Variants in DACH2 observed in about 807,000 individuals in gnomAD.
The protein encoded by DACH2 is dachshund family transcription factor 2.
Under a neutral mutation model 35.8 loss-of-function variants are expected in DACH2, and 17 were observed. The ratio of observed to expected loss-of-function variants is 0.48; its 90% CI spans 0.33 to 0.71. The LOEUF is 0.71. DACH2 is among the 30% of genes least tolerant of loss of function. The pLI is 0.02. For synonymous variants in DACH2, 195 were observed against 177.3 expected (o/e 1.10, Z -0.79); for missense variants, 469 against 472.7 (o/e 0.99, Z 0.07).
At chrX:86,319,835 T>C (rs955624544) in intron 1 of DACH2, among the ~76,000 whole-genome samples, 13 of 112,047 alleles carry the variant, frequency 1.2e-4, no homozygotes, top group Non-Finnish European at 2.3e-4. Flanking sequence ...AAATAGACAC[T>C]ACACACATAA....
intron 1 of DACH2, among the ~76,000 whole-genome samples, chrX:86,328,972 TG>T (rs1375268438): frequency 9.0e-6 from 1 of 111,449 alleles, no homozygotes; most frequent in Admixed American, 9.6e-5. Context: ...AAGATCAGAG[TG>T]TTGTTGAAAA....
At chrX:86,499,823 T>C (rs1212433521) in intron 2 of DACH2, among the ~76,000 whole-genome samples, 1 of 112,117 alleles carries the variant, frequency 8.9e-6, no homozygotes, top group Non-Finnish European at 1.9e-5. Flanking sequence ...CACAATGCTT[T>C]CCTTTCAGGC....
At chrX:86,800,657 G>T (rs1237805571) in intron 7 of DACH2, among the ~76,000 whole-genome samples, 2 of 110,856 alleles carry the variant, frequency 1.8e-5, no homozygotes, top group African/African-American at 6.6e-5. Flanking sequence ...AGCTTTTTTT[G>T]TTTGTTTGTT....
chrX:86,538,172 T>C (rs1478680568), intron 3 of DACH2, among the ~76,000 whole-genome samples: 1 of 111,259 alleles, frequency 9.0e-6, no homozygotes, highest in East Asian at 2.8e-4. Context: ...TTTTCTAATA[T>C]ATTGTTCCTC....
At chrX:86,648,091 G>A (rs958902369) in intron 3 of DACH2, among the ~76,000 whole-genome samples, 3 of 110,673 alleles carry the variant, frequency 2.7e-5, no homozygotes, top group Non-Finnish European at 5.7e-5. Context: ...CAGTAACATT[G>A]AATCTCTGCC....
At chrX:86,657,944 T>C (rs941445428) in intron 4 of DACH2, among the ~76,000 whole-genome samples, 1 of 111,845 alleles carries the variant, frequency 8.9e-6, no homozygotes, top group Admixed American at 9.5e-5. Context: ...CTTTTTATTC[T>C]AGCCCCCCAT....
At chrX:86,721,073 G>T (rs2041401023) in intron 6 of DACH2, among the ~76,000 whole-genome samples, 1 of 112,277 alleles carries the variant, frequency 8.9e-6, no homozygotes. Context: ...CACACAGCAG[G>T]GGGGCCCTGA....
At chrX:86,625,359 T>A (rs1485918958) in intron 3 of DACH2, among the ~76,000 whole-genome samples, 1 of 110,007 alleles carries the variant, frequency 9.1e-6, no homozygotes, top group Non-Finnish European at 1.9e-5. Flanking sequence ...ATATATCAGA[T>A]AATGACACTT....
chrX:86,674,160 A>G (rs903461942), intron 4 of DACH2, among the ~76,000 whole-genome samples: 2 of 111,970 alleles, frequency 1.8e-5, no homozygotes, highest in African/African-American at 6.5e-5. Context: ...GATTTTCTCT[A>G]TTCTCTTTGG....
chrX:86,814,818 C>T lies in DACH2; in HGVS notation c.1668C>T (p.Gly556=), dbSNP rs769105008. 4 of 1,204,107 alleles carry T rather than the reference C, an allele frequency of 3.3e-6. No individual in the cohort carries two copies. In the African/African-American group the frequency reaches 7.0e-5, roughly 21 times the overall value. The change falls in exon 10 of 12, where the codon GGC becomes GGT. Residue 556 remains glycine, a synonymous_variant. Coordinates refer to ENST00000373125, the MANE Select transcript of DACH2 (RefSeq NM_053281.3). The part of the protein sequence containing the change: ...ALKQATTSDS[G]LRMLKDTGIP... The stretch of plus-strand genomic sequence containing the variant: ...AGCAAGCCACCACTAGTGACAGTGG[C>T]CTGAGGATGTTAAAAGGTAATGTCT...
rs185260673 is a variant in DACH2, at chrX:86,284,186, A to C, written c.489-92638A>C. 4.5e-5 allele frequency among the ~76,000 whole-genome samples: 5 copies of C among 111,790 alleles called. No homozygotes were observed. In the Admixed American group the frequency reaches 4.8e-4, roughly 11 times the overall value. On this transcript the variant is annotated intron_variant, in intron 1 of 11. Transcript: ENST00000373125. ...ATTCTTGTCATGTTCCAGATCTTAA[A>C]GGAAAGGCTTTCAGTTTTTCCCCAG...
chrX:86,325,530 C>T (rs1001470959), intron 1 of DACH2, among the ~76,000 whole-genome samples: 3 of 112,008 alleles, frequency 2.7e-5, no homozygotes, highest in Non-Finnish European at 5.6e-5. Context: ...AATTTTGAAT[C>T]TATTTTAATG....
chrX:86,263,293 T>C (rs1439238625), intron 1 of DACH2, among the ~76,000 whole-genome samples: 1 of 111,830 alleles, frequency 8.9e-6, no homozygotes, highest in Non-Finnish European at 1.9e-5. Flanking sequence ...ATTTAACTTA[T>C]GTAACATAGC....
rs968559808 is a variant in DACH2 at position 86,400,648 on chromosome X, A to G, written c.527+23786A>G. Among the ~76,000 whole-genome samples, 3 of 111,999 alleles carry G rather than the reference A, an allele frequency of 2.7e-5. No individual in the cohort carries two copies. The Admixed American group carries it at 2.8e-4, about 11-fold the overall frequency. On this transcript the variant is annotated intron_variant, in intron 2 of 11. Coordinates refer to ENST00000373125, the MANE Select transcript of DACH2 (RefSeq NM_053281.3). ...TTGGAGTTTGCTGGAGGTCCACTCC[A>G]GACCCTGTTTGCCTGGGTATCAGCA...
chrX:86,382,518 G>C (rs2036062861), intron 2 of DACH2, among the ~76,000 whole-genome samples: 4 of 103,271 alleles, frequency 3.9e-5, no homozygotes, highest in African/African-American at 1.5e-4. Context: ...CCTCTTGCCA[G>C]CACAGAATAT....
At chrX:86,326,053 A>G (rs1358277819) in intron 1 of DACH2, among the ~76,000 whole-genome samples, 2 of 111,595 alleles carry the variant, frequency 1.8e-5, no homozygotes, top group African/African-American at 6.5e-5. Flanking sequence ...ACTACTTTTG[A>G]AAAATTTGAA....
At chrX:86,151,149 A>T (rs1285058146) in intron 1 of DACH2, among the ~76,000 whole-genome samples, 1 of 111,474 alleles carries the variant, frequency 9.0e-6, no homozygotes, top group East Asian at 2.8e-4. Flanking sequence ...TAAAAAAAAA[A>T]ATCCAGAGGC....
At chrX:86,432,242 G>C (rs370412004) in intron 2 of DACH2, among the ~76,000 whole-genome samples, 2 of 111,952 alleles carry the variant, frequency 1.8e-5, no homozygotes, top group Admixed American at 9.5e-5. Context: ...GCTGATTTTT[G>C]TTTGTTTTCT....
intron 3 of DACH2, among the ~76,000 whole-genome samples, chrX:86,593,442 T>TATTTTA (rs1569448667): frequency 2.9e-5 from 3 of 103,063 alleles, no homozygotes; most frequent in African/African-American, 1.1e-4. Flanking sequence ...TATTTTATTT[T>TATTTTA]TTGAGACAGT....
Sources: allele counts gnomAD v4.1 joint callset (sites outside exome capture counted in the v4.1 genomes callset), GRCh38; gene constraint gnomAD v4.1.1; transcripts MANE v1.5; gene names NCBI Gene and HGNC (gene_info 2026-07-23, HGNC 2026-07-21).